CAB39: variants seen among roughly 807,000 people sequenced by gnomAD.
The protein encoded by CAB39 is calcium binding protein 39, also known as calcium-binding protein 39.
A neutral mutation model predicts 40.0 loss-of-function variants in CAB39; 8 were observed. The ratio of observed to expected loss-of-function variants is 0.20; its 90% CI spans 0.12 to 0.36. CAB39 has a LOEUF of 0.36. Among genes scored for constraint, CAB39 ranks in the 10% least tolerant of loss-of-function variants. The pLI, the probability that CAB39 is intolerant of heterozygous loss-of-function variation, is 1.00. For synonymous variants in CAB39, 156 were observed against 141.6 expected, an observed-to-expected ratio of 1.10 and a Z score of -0.72; for missense variants, 270 against 401.1, an observed-to-expected ratio of 0.67 and a Z score of 2.79.
rs556942368 is a variant in CAB39, at chr2:230,767,629, A to G, written c.114+7514A>G. Among the ~76,000 whole-genome samples, 5 of 152,330 alleles carry G rather than the reference A, an allele frequency of 3.3e-5. 1 individual carries two copies. The South Asian group carries it at 1.0e-3, about 32-fold the overall frequency. On this transcript the variant is annotated intron_variant, in intron 2 of 8. Coordinates refer to ENST00000258418, the MANE Select transcript of CAB39 (RefSeq NM_016289.4). ...ATTTACAGAGTTGGTTAAAAAAGCA[A>G]AGTATATGAGGCAGAGACCTTATAT...
chr2:230,738,020 AAG>A (rs1320896275), intron 1 of CAB39, among the ~76,000 whole-genome samples: 13 of 152,194 alleles, frequency 8.5e-5, no homozygotes, highest in Non-Finnish European at 1.3e-4. Flanking sequence ...CGAAATTACA[AAG>A]TCATTTTTCT....
intron 1 of CAB39, among the ~76,000 whole-genome samples, chr2:230,756,298 C>G (rs1695188882): frequency 6.6e-6 from 1 of 152,168 alleles, no homozygotes; most frequent in African/African-American, 2.4e-5. Context: ...TGCTCTTAGG[C>G]TATAAACCTG....
chr2:230,730,479 T>C (rs1448895279), intron 1 of CAB39, among the ~76,000 whole-genome samples: 3 of 151,686 alleles, frequency 2.0e-5, no homozygotes, highest in African/African-American at 7.3e-5. Context: ...AGTCTCGCTC[T>C]TGTGCCCCAG....
chr2:230,818,692 G>T lies in CAB39; in HGVS notation c.1014G>T (p.Gln338His), dbSNP rs369372494. The change falls in exon 9 of 9, where the codon CAG becomes CAT. Residue 338 changes from glutamine (Q) to histidine (H), a missense_variant. Transcript: ENST00000258418. ...TCAGGGATTTGAAGAGACCAGCTCAGCAAGAAGCTTAATCTCCAATAAACA... is the reference window on the plus strand; with the variant it reads ...TCAGGGATTTGAAGAGACCAGCTCATCAAGAAGCTTAATCTCCAATAAACA... The part of the protein sequence containing the change: ...KQIRDLKRPA[Q>H]QEA The T allele has an allele frequency of 3.7e-6, 6 of 1,612,894 alleles. No individual in the cohort carries two copies. Among genetic ancestry groups the T allele is most frequent in the Non-Finnish European group, 5.1e-6 (6 of 1,179,408 alleles).
chr2:230,726,232 G>A (rs573914971), intron 1 of CAB39, among the ~76,000 whole-genome samples: 3 of 151,742 alleles, frequency 2.0e-5, no homozygotes, highest in South Asian at 2.1e-4. Flanking sequence ...GCATGATCTC[G>A]GCTCACTGCA....
At chr2:230,745,487 A>G (rs1365880625) in intron 1 of CAB39, among the ~76,000 whole-genome samples, 1 of 152,218 alleles carries the variant, frequency 6.6e-6, no homozygotes, top group East Asian at 1.9e-4. Context: ...CTTGGTTGGG[A>G]CTGGGAGGTA....
At chr2:230,805,539 G>A (rs1468725939) in intron 5 of CAB39, among the ~76,000 whole-genome samples, 1 of 152,194 alleles carries the variant, frequency 6.6e-6, no homozygotes. Flanking sequence ...GGGCATGGCT[G>A]CCTAGGTTCA....
At chr2:230,770,732 C>G (rs1695466767) in intron 2 of CAB39, among the ~76,000 whole-genome samples, 1 of 152,042 alleles carries the variant, frequency 6.6e-6, no homozygotes, top group Non-Finnish European at 1.5e-5. Context: ...GGGATTTATT[C>G]CTAGAATGCA....
chr2:230,733,711 G>A (rs1694735675), intron 1 of CAB39, among the ~76,000 whole-genome samples: 1 of 152,146 alleles, frequency 6.6e-6, no homozygotes, highest in Non-Finnish European at 1.5e-5. Flanking sequence ...CAGTGTAGCA[G>A]TATTCCTATA....
chr2:230,766,456 A>C (rs751960211), intron 2 of CAB39, among the ~76,000 whole-genome samples: 1 of 152,202 alleles, frequency 6.6e-6, no homozygotes, highest in African/African-American at 2.4e-5. Flanking sequence ...TGTCATTACC[A>C]TGGGGAGAGC....
At chr2:230,806,275 G>A (rs1345450696) in intron 5 of CAB39, among the ~76,000 whole-genome samples, 1 of 152,074 alleles carries the variant, frequency 6.6e-6, no homozygotes, top group Non-Finnish European at 1.5e-5. Flanking sequence ...GTCAGACTGC[G>A]GACCCAGGCA....
intron 1 of CAB39, among the ~76,000 whole-genome samples, chr2:230,725,662 C>T (rs1694553306): frequency 6.6e-6 from 1 of 152,202 alleles, no homozygotes; most frequent in Non-Finnish European, 1.5e-5. Context: ...GCCTCTACCA[C>T]ATGATACTGG....
At chr2:230,713,844 C>T (rs1176274328) in intron 1 of CAB39, 3 of 152,338 alleles carry the variant, frequency 2.0e-5, no homozygotes, top group African/African-American at 7.2e-5. Context: ...AGCTTAGGCT[C>T]TGGTGTGAGA....
At chr2:230,818,222 C>A in intron 8 of CAB39, 1 of 446,678 alleles carries the variant, frequency 2.2e-6, no homozygotes. Flanking sequence ...ACCTCTTGTG[C>A]TGAGAAATAA....
chr2:230,782,047 G>C (rs565011372), intron 2 of CAB39, among the ~76,000 whole-genome samples: 1 of 152,124 alleles, frequency 6.6e-6, no homozygotes, highest in African/African-American at 2.4e-5. Context: ...GCATTTTTTA[G>C]TAGAGACGGG....
chr2:230,720,623 T>C (rs995313136), intron 1 of CAB39, among the ~76,000 whole-genome samples: 3 of 152,170 alleles, frequency 2.0e-5, no homozygotes, highest in Non-Finnish European at 4.4e-5. Flanking sequence ...GGTTTCACCA[T>C]GTTGGCCAGG....
intron 1 of CAB39, among the ~76,000 whole-genome samples, chr2:230,738,935 ACT>A (rs1694830752): frequency 6.6e-6 from 1 of 152,184 alleles, no homozygotes; most frequent in South Asian, 2.1e-4. Flanking sequence ...TCATTTCACC[ACT>A]CTCAGGTATG....
chr2:230,818,422 A>G, intron 8 of CAB39, 94 bp from the exon 9 acceptor site: 2 of 978,104 alleles, frequency 2.0e-6, no homozygotes, highest in Non-Finnish European at 3.1e-6. Flanking sequence ...ATCCCAGGAG[A>G]GCACAGCTCT....
At chr2:230,759,023 GT>G (rs1388786562) in intron 1 of CAB39, among the ~76,000 whole-genome samples, 1 of 152,120 alleles carries the variant, frequency 6.6e-6, no homozygotes, top group Non-Finnish European at 1.5e-5. Flanking sequence ...TAATACTGTG[GT>G]TTATGTGGTT....
Sources: allele counts gnomAD v4.1 joint callset (sites outside exome capture counted in the v4.1 genomes callset), GRCh38; gene constraint gnomAD v4.1.1; transcripts MANE v1.5; gene names NCBI Gene and HGNC (gene_info 2026-07-23, HGNC 2026-07-21).